The following FIG4 variants were observed in gnomAD, a reference collection of about 807,000 sequenced individuals.
FIG4 encodes FIG4 phosphoinositide 5-phosphatase, also known as polyphosphoinositide phosphatase.
In FIG4, 112 loss-of-function variants were observed where a neutral mutation model predicts 118.6. The ratio of observed to expected loss-of-function variants is 0.94; its 90% CI spans 0.81 to 1.11. The LOEUF (loss-of-function observed/expected upper bound fraction) is 1.11. Ranked by LOEUF, FIG4 falls within the 50% of genes least tolerant of loss-of-function variation. The probability of loss-of-function intolerance (pLI) is 0.00; values close to 1 mark genes in which losing one functional copy is unlikely to be tolerated. For missense variants in FIG4, 969 were observed against 1,111.7 expected (o/e 0.87, Z 1.83); for synonymous variants, 369 against 381.2 (o/e 0.97, Z 0.37).
intron 4 of FIG4, 108 bp from the exon 5 acceptor site, chr6:109,732,529 G>T: frequency 1.4e-6 from 1 of 698,426 alleles, no homozygotes; most frequent in South Asian, 1.5e-5. Flanking sequence ...GAATTCCTCA[G>T]CTTTAATGAG....
At chr6:109,713,009 C>T (rs909543335) in intron 1 of FIG4, among the ~76,000 whole-genome samples, 2 of 152,148 alleles carry the variant, frequency 1.3e-5, no homozygotes, top group Non-Finnish European at 2.9e-5. Flanking sequence ...GGCCAACGTT[C>T]AGCTGCCAAC....
intron 1 of FIG4, among the ~76,000 whole-genome samples, chr6:109,713,251 G>A (rs1468647045): frequency 6.6e-6 from 1 of 152,256 alleles, no homozygotes; most frequent in African/African-American, 2.4e-5. Flanking sequence ...GCAGCAGGAT[G>A]CCAGCAGGTG....
At chr6:109,752,911 G>A (rs1225269613) in intron 10 of FIG4, among the ~76,000 whole-genome samples, 1 of 152,150 alleles carries the variant, frequency 6.6e-6, no homozygotes, top group Non-Finnish European at 1.5e-5. Flanking sequence ...TGAAGTCCTT[G>A]CCCATGCCTA....
At chr6:109,733,906 G>A (rs1053458042) in intron 5 of FIG4, among the ~76,000 whole-genome samples, 6 of 151,926 alleles carry the variant, frequency 3.9e-5, no homozygotes, top group African/African-American at 1.4e-4. Context: ...GTAAATACAT[G>A]TAGGTTAAAG....
intron 10 of FIG4, among the ~76,000 whole-genome samples, chr6:109,754,852 G>T (rs1175251658): frequency 1.3e-5 from 2 of 152,084 alleles, no homozygotes; most frequent in African/African-American, 4.8e-5. Flanking sequence ...CTTGCTAGCA[G>T]TCTATCAATT....
chr6:109,801,398 A>T (rs1021590195), intron 22 of FIG4, among the ~76,000 whole-genome samples: 2 of 151,930 alleles, frequency 1.3e-5, no homozygotes, highest in Non-Finnish European at 2.9e-5. Flanking sequence ...AAATACAAAA[A>T]TTAGCCGGGC....
At chr6:109,810,583 T>G (rs1327126384) in intron 22 of FIG4, among the ~76,000 whole-genome samples, 1 of 152,232 alleles carries the variant, frequency 6.6e-6, no homozygotes, top group Non-Finnish European at 1.5e-5. Flanking sequence ...GCTGCCTGTT[T>G]AGCCACGACA....
chr6:109,743,517 A>T (rs1776388660), intron 9 of FIG4, 158 bp from the exon 10 acceptor site: 1 of 693,016 alleles, frequency 1.4e-6, no homozygotes, highest in Middle Eastern at 3.5e-4. Context: ...TAAATACATG[A>T]TGAATAAGTG....
rs776236607 is a variant in FIG4 at position 109,825,228 on chromosome 6, C to G, written c.2687C>G (p.Ser896Cys). The change falls in exon 23 of 23, where the codon TCC becomes TGC. Residue 896 changes from serine (S) to cysteine (C), a missense_variant. By Grantham distance (112) the Ser-to-Cys change is moderately radical. Transcript: ENST00000230124. Reference protein sequence around the residue: ...IMQPLGKEDSSMYREYIRNRY... With the variant: ...IMQPLGKEDSCMYREYIRNRY... The stretch of plus-strand genomic sequence containing the variant: ...CAGCCCCTAGGAAAAGAGGACTCCT[C>G]CATGTACCGAGAGTACATCAGGAAC... 3 of 1,614,100 alleles carry G rather than the reference C, an allele frequency of 1.9e-6. No individual in the cohort carries two copies. The highest frequency in any genetic ancestry group is 1.3e-5 in the African/African-American group (1 of 75,042).
intron 10 of FIG4, among the ~76,000 whole-genome samples, chr6:109,746,781 C>T (rs977892870): frequency 1.3e-5 from 2 of 152,024 alleles, no homozygotes; most frequent in African/African-American, 4.8e-5. Context: ...TGGATCGGTA[C>T]AAGGCTAATG....
intron 16 of FIG4, among the ~76,000 whole-genome samples, chr6:109,781,891 AAC>A (rs1369190692): frequency 1.3e-5 from 2 of 151,480 alleles, no homozygotes; most frequent in Non-Finnish European, 2.9e-5. Context: ...CCTTCCACAT[AAC>A]ATTGTTTAGT....
rs35555849 is a variant in FIG4 at position 109,718,920 on chromosome 6, A to ATTT, written c.289+2366_289+2368dup. ...AGCTTAAATGTTGATACCTTATTAC[A>ATTT]TTTTTTTTTTTTTTTTGAGACAGAG... On this transcript the variant is annotated intron_variant, in intron 3 of 22. Transcript: ENST00000230124. Among the ~76,000 whole-genome samples, 35 of 143,344 alleles carry ATTT rather than the reference A, an allele frequency of 2.4e-4. 2 individuals are homozygous for ATTT. The highest frequency in any genetic ancestry group is 7.5e-4 in the African/African-American group (29 of 38,614). The allele number at this position is 143,344 out of a possible 152,430, so 94.0% of individuals were successfully genotyped here.
intron 10 of FIG4, among the ~76,000 whole-genome samples, chr6:109,753,853 G>T (rs1206458667): frequency 6.6e-6 from 1 of 152,298 alleles, no homozygotes; most frequent in Admixed American, 6.5e-5. Flanking sequence ...AGACAATAGG[G>T]TTTTCTAGAT....
intron 22 of FIG4, among the ~76,000 whole-genome samples, chr6:109,801,440 C>T (rs187457341): frequency 1.3e-4 from 20 of 151,992 alleles, no homozygotes; most frequent in Middle Eastern, 6.8e-3. Context: ...CCCAGCTACT[C>T]GGGAGGCTGA....
At chr6:109,784,319 C>T (rs145527257) in intron 16 of FIG4, among the ~76,000 whole-genome samples, 4 of 152,294 alleles carry the variant, frequency 2.6e-5, no homozygotes, top group Admixed American at 6.5e-5. Context: ...GCAGACGAGC[C>T]TTCTAGCAGA....
At chr6:109,731,092 C>T (rs1347966414) in intron 4 of FIG4, among the ~76,000 whole-genome samples, 1 of 152,074 alleles carries the variant, frequency 6.6e-6, no homozygotes, top group Non-Finnish European at 1.5e-5. Context: ...GATTCTGAAC[C>T]TTACCTAGTA....
intron 22 of FIG4, among the ~76,000 whole-genome samples, chr6:109,817,341 A>G (rs563322581): frequency 2.6e-5 from 4 of 152,194 alleles, no homozygotes; most frequent in Non-Finnish European, 5.9e-5. Flanking sequence ...AGTGTTTGTG[A>G]TAATAAACGC....
intron 16 of FIG4, among the ~76,000 whole-genome samples, chr6:109,778,709 C>T (rs1777697902): frequency 6.6e-6 from 1 of 152,080 alleles, no homozygotes; most frequent in Non-Finnish European, 1.5e-5. Context: ...CGCCATTCTC[C>T]TGCCTCGGCC....
At chr6:109,739,758 A>C (rs1776268828) in intron 7 of FIG4, among the ~76,000 whole-genome samples, 1 of 151,968 alleles carries the variant, frequency 6.6e-6, no homozygotes, top group African/African-American at 2.4e-5. Flanking sequence ...ATAATGTACA[A>C]AAAAAAATTT....
Sources: gnomAD v4.1 joint callset for allele counts (sites outside exome capture counted in the v4.1 genomes callset) on GRCh38, gnomAD v4.1.1 for gene constraint, MANE v1.5 for transcripts, NCBI Gene and HGNC (gene_info 2026-07-23, HGNC 2026-07-21) for gene names.